SLC44A5: variants seen among roughly 807,000 people sequenced by gnomAD.
SLC44A5 encodes solute carrier family 44 member 5.
SLC44A5 carries 57 observed loss-of-function variants against 101.8 expected under a neutral mutation model. That is an observed-to-expected ratio of 0.56 (90% CI 0.45 to 0.70). The LOEUF (loss-of-function observed/expected upper bound fraction) is 0.70. SLC44A5 is among the 30% of genes least tolerant of loss of function. The pLI is 0.00. For missense variants in SLC44A5, 737 were observed against 853.1 expected, an observed-to-expected ratio of 0.86 and a Z score of 1.70; for synonymous variants, 281 against 290.9, an observed-to-expected ratio of 0.97 and a Z score of 0.35.
chr1:75,312,518 G>A (rs1332546056), intron 4 of SLC44A5, among the ~76,000 whole-genome samples: 2 of 151,812 alleles, frequency 1.3e-5, no homozygotes, highest in East Asian at 3.9e-4. Flanking sequence ...GGGATGGGGG[G>A]TGTTACAGAA....
chr1:75,491,384 A>G (rs1668416730), intron 2 of SLC44A5, among the ~76,000 whole-genome samples: 1 of 152,186 alleles, frequency 6.6e-6, no homozygotes, highest in Non-Finnish European at 1.5e-5. Context: ...TAACCAATCC[A>G]GGAAACTCTA....
chr1:75,480,142 T>A (rs868326524), intron 2 of SLC44A5, among the ~76,000 whole-genome samples: 10 of 152,112 alleles, frequency 6.6e-5, no homozygotes, highest in African/African-American at 1.2e-4. Context: ...ACAGAACCAA[T>A]GACAAAAACC....
At chr1:75,304,135 C>T (rs1386699761) in intron 4 of SLC44A5, among the ~76,000 whole-genome samples, 1 of 151,754 alleles carries the variant, frequency 6.6e-6, no homozygotes, top group East Asian at 1.9e-4. Flanking sequence ...CAGACCATAC[C>T]CTATGGCCAG....
At chr1:75,273,469 A>G in intron 6 of SLC44A5, among the ~76,000 whole-genome samples, 1 of 152,094 alleles carries the variant, frequency 6.6e-6, no homozygotes, top group East Asian at 1.9e-4. Flanking sequence ...CTCAGGGGGA[A>G]TGCTTTCAAC....
At chr1:75,393,061 T>A (rs1419712391) in intron 3 of SLC44A5, among the ~76,000 whole-genome samples, 1 of 152,164 alleles carries the variant, frequency 6.6e-6, no homozygotes, top group East Asian at 1.9e-4. Flanking sequence ...CTGCTCACTA[T>A]TTGGGTGACA....
chr1:75,527,291 A>G (rs1670468597), intron 2 of SLC44A5, among the ~76,000 whole-genome samples: 1 of 134,818 alleles, frequency 7.4e-6, no homozygotes. Flanking sequence ...AAAGGGAGAA[A>G]GAGAGAAAGA....
intron 3 of SLC44A5, among the ~76,000 whole-genome samples, chr1:75,365,760 A>G (rs986114078): frequency 6.6e-6 from 1 of 152,172 alleles, no homozygotes; most frequent in Non-Finnish European, 1.5e-5. Flanking sequence ...ATTTTCTAGC[A>G]GTATACTTTG....
intron 1 of SLC44A5, among the ~76,000 whole-genome samples, chr1:75,554,340 T>G (rs1178906520): frequency 2.0e-5 from 3 of 151,832 alleles, no homozygotes; most frequent in Non-Finnish European, 4.4e-5. Flanking sequence ...TGGTGATGTG[T>G]GCCTGTAGTC....
intron 2 of SLC44A5, among the ~76,000 whole-genome samples, chr1:75,466,290 A>C (rs1666811067): frequency 6.6e-6 from 1 of 152,222 alleles, no homozygotes; most frequent in Non-Finnish European, 1.5e-5. Context: ...TGATCATTTC[A>C]ATTGATGCTG....
chr1:75,366,532 C>T (rs1423333318), intron 3 of SLC44A5, among the ~76,000 whole-genome samples: 1 of 152,052 alleles, frequency 6.6e-6, no homozygotes, highest in African/African-American at 2.4e-5. Context: ...TTCTTGGGGA[C>T]CTTTAAGCTT....
intron 5 of SLC44A5, among the ~76,000 whole-genome samples, chr1:75,292,621 A>G (rs1653649097): frequency 6.6e-6 from 1 of 152,220 alleles, no homozygotes; most frequent in Non-Finnish European, 1.5e-5. Context: ...AAAGTGACCC[A>G]TATCAGTCTC....
At chr1:75,315,175 A>C (rs187990279) in intron 4 of SLC44A5, among the ~76,000 whole-genome samples, 1 of 152,294 alleles carries the variant, frequency 6.6e-6, no homozygotes, top group East Asian at 1.9e-4. Context: ...ATGTCCATTT[A>C]TGTGTGTTTT....
At position 75,217,917 on chromosome 1, in the gene SLC44A5, A is replaced by G; in HGVS notation, c.1573T>C (p.Leu525=). The G allele has an allele frequency of 6.2e-7, 1 of 1,606,486 alleles. No individual in the cohort carries two copies. The highest frequency in any genetic ancestry group is 8.5e-7 in the Non-Finnish European group (1 of 1,173,342). ...AGTACAATTTTAAACATTTGAATTA[A>G]TGCAATAATTAAAGATCCAAATGCT... ...SLAFGSLIIA[L]IQMFKIVLEY... is the part of the protein sequence containing the mutation. Residue 525 remains leucine, a synonymous_variant, in exon 18 of 24, where the codon TTA becomes CTA. Coordinates refer to ENST00000370859, the MANE Select transcript of SLC44A5 (RefSeq NM_001130058.2).
intron 2 of SLC44A5, among the ~76,000 whole-genome samples, chr1:75,491,855 A>C (rs181047169): frequency 6.6e-6 from 1 of 152,212 alleles, no homozygotes; most frequent in African/African-American, 2.4e-5. Context: ...TTTGTCTTAG[A>C]AAGAGGGACT....
At chr1:75,360,425 C>T (rs1287118577) in intron 3 of SLC44A5, among the ~76,000 whole-genome samples, 1 of 151,960 alleles carries the variant, frequency 6.6e-6, no homozygotes, top group Non-Finnish European at 1.5e-5. Context: ...CCACCTTGGC[C>T]TCTCAAAGTG....
intron 19 of SLC44A5, among the ~76,000 whole-genome samples, chr1:75,215,281 T>C (rs1646938191): frequency 6.6e-6 from 1 of 152,148 alleles, no homozygotes; most frequent in South Asian, 2.1e-4. Flanking sequence ...TATTTAGGAA[T>C]TTCCATATAG....
the SLC44A5 span, among the ~76,000 whole-genome samples, chr1:75,691,769 C>T: frequency 2.0e-5 from 3 of 152,174 alleles, no homozygotes; most frequent in Non-Finnish European, 4.4e-5. Context: ...CAGATAGCTG[C>T]CTTCTTTCAT....
At position 75,298,649 on chromosome 1, in the gene SLC44A5, G is replaced by A. The variant is rs146295153; in HGVS notation, c.175+1963C>T. ...CAGAGGAGAGACCTATTTGATGAAG[G>A]AATAAGGCCTCCTAGTGGAAAGATT... On this transcript the variant is annotated intron_variant, in intron 5 of 23. Transcript: ENST00000370859. Among the ~76,000 whole-genome samples the A allele has an allele frequency of 2.4e-3, 364 of 152,092 alleles. 1 individual carries two copies. The highest frequency in any genetic ancestry group is 4.4e-3 in the Non-Finnish European group (299 of 68,020).
At chr1:75,306,778 A>G (rs1398761503) in intron 4 of SLC44A5, among the ~76,000 whole-genome samples, 11 of 118,146 alleles carry the variant, frequency 9.3e-5, no homozygotes, top group Non-Finnish European at 1.6e-5. Context: ...TCTGTGGCCC[A>G]GGCGGGAGTG....
Sources: allele counts gnomAD v4.1 joint callset (sites outside exome capture counted in the v4.1 genomes callset), GRCh38; gene constraint gnomAD v4.1.1; transcripts MANE v1.5; gene names NCBI Gene and HGNC (gene_info 2026-07-23, HGNC 2026-07-21).